Variants in ZZZ3 observed in about 807,000 individuals in gnomAD.
ZZZ3 encodes ZZ-type zinc finger-containing protein 3.
In ZZZ3, 22 loss-of-function variants were observed where a neutral mutation model predicts 95.2. The observed-to-expected ratio is 0.23, with a 90% confidence interval of 0.17 to 0.33. The LOEUF is 0.33. Ranked by LOEUF, ZZZ3 falls within the 10% of genes least tolerant of loss-of-function variation. ZZZ3 has a pLI of 1.00. For missense variants in ZZZ3, 885 were observed against 1,066.5 expected, an observed-to-expected ratio of 0.83 and a Z score of 2.37; for synonymous variants, 335 against 358.9, an observed-to-expected ratio of 0.93 and a Z score of 0.75.
intron 1 of ZZZ3, among the ~76,000 whole-genome samples, chr1:77,663,828 A>C (rs370224856): frequency 6.6e-6 from 1 of 151,226 alleles, no homozygotes; most frequent in South Asian, 2.1e-4. Context: ...GGCTCACCGC[A>C]ACCCTCCACC....
At chr1:77,640,313 T>A (rs1668660534) in intron 3 of ZZZ3, among the ~76,000 whole-genome samples, 1 of 152,046 alleles carries the variant, frequency 6.6e-6, no homozygotes, top group African/African-American at 2.4e-5. Context: ...TTTCAAAGAA[T>A]GTACAGGCCA....
At chr1:77,598,168 C>G (rs1044593239) in intron 5 of ZZZ3, among the ~76,000 whole-genome samples, 5 of 152,094 alleles carry the variant, frequency 3.3e-5, no homozygotes, top group Non-Finnish European at 7.4e-5. Context: ...ACCCAGAAGC[C>G]TTACCATATA....
At chr1:77,657,229 A>C (rs1385439007) in intron 1 of ZZZ3, among the ~76,000 whole-genome samples, 1 of 152,110 alleles carries the variant, frequency 6.6e-6, no homozygotes, top group Non-Finnish European at 1.5e-5. Flanking sequence ...TGATCCACCC[A>C]CCTCGGCCTC....
intron 1 of ZZZ3, among the ~76,000 whole-genome samples, chr1:77,654,173 GAGACTCCATCTCAAAAAAA>G (rs950573746): frequency 5.5e-5 from 7 of 127,304 alleles, no homozygotes; most frequent in African/African-American, 1.8e-4. Context: ...GGGCAACAGC[GAGACTCCATCTCAAAAAAA>G]AAAAAAAAAA....
At chr1:77,649,943 T>C (rs959673447) in intron 1 of ZZZ3, among the ~76,000 whole-genome samples, 20 of 151,750 alleles carry the variant, frequency 1.3e-4, no homozygotes, top group African/African-American at 4.6e-4. Context: ...TATACCAATA[T>C]ACTGTACAGT....
Position 77,641,614 on chromosome 1 carries a change from G to T in ZZZ3, c.-361C>A. The T allele has an allele frequency of 2.5e-6, 1 of 398,074 alleles. No homozygotes were observed. 24.7% of individuals were successfully genotyped at this position (398,074 alleles called of 1,614,324 possible). On this transcript the variant is annotated 5_prime_UTR_variant, in exon 2 of 15. It adds an upstream start codon to the 5' untranslated region. Coordinates refer to ENST00000370801, the MANE Select transcript of ZZZ3 (RefSeq NM_015534.6). Reference sequence around the variant, plus strand: ...TTGTCCATGTTACACTGAGACTTCAGGTATTATTTATTTATATGGTTGTAC... The same window carrying T: ...TTGTCCATGTTACACTGAGACTTCATGTATTATTTATTTATATGGTTGTAC...
upstream of ZZZ3, among the ~76,000 whole-genome samples, chr1:77,683,105 TC>T: frequency 7.7e-6 from 1 of 129,548 alleles, no homozygotes; most frequent in Non-Finnish European, 1.6e-5. Context: ...GTCGCAGCCG[TC>T]GCAGCCGTCG....
chr1:77,567,818 A>G (rs1208896190), intron 13 of ZZZ3, among the ~76,000 whole-genome samples: 2 of 152,148 alleles, frequency 1.3e-5, no homozygotes, highest in African/African-American at 4.8e-5. Context: ...CCCATTTCTG[A>G]CCCATGAACA....
At chr1:77,677,767 T>G (rs1327631171) in intron 1 of ZZZ3, among the ~76,000 whole-genome samples, 2 of 152,184 alleles carry the variant, frequency 1.3e-5, no homozygotes, top group Admixed American at 6.5e-5. Flanking sequence ...AATGGGAAAG[T>G]GGTACCTAAC....
At chr1:77,631,108 C>T (rs535431316) in intron 5 of ZZZ3, among the ~76,000 whole-genome samples, 1 of 152,236 alleles carries the variant, frequency 6.6e-6, no homozygotes, top group South Asian at 2.1e-4. Context: ...GCCCTGAATA[C>T]TTTATAGGAA....
chr1:77,568,615 C>A, intron 12 of ZZZ3, 149 bp from the exon 13 acceptor site: 1 of 414,968 alleles, frequency 2.4e-6, no homozygotes. Context: ...CTGTTATTAG[C>A]AGTATTTTCC....
intron 6 of ZZZ3, 67 bp downstream of exon 6, chr1:77,584,450 T>G: frequency 1.3e-6 from 2 of 1,492,414 alleles, no homozygotes; most frequent in Non-Finnish European, 1.8e-6. Context: ...AAAAAAGAAT[T>G]AACCAAATTC....
chr1:77,591,498 T>C (rs1354599566), intron 5 of ZZZ3, among the ~76,000 whole-genome samples: 2 of 152,144 alleles, frequency 1.3e-5, no homozygotes, highest in Admixed American at 6.6e-5. Context: ...CATAGCACCA[T>C]GCCTGGCTAA....
chr1:77,638,700 T>C (rs143824788), intron 4 of ZZZ3, among the ~76,000 whole-genome samples: 1 of 152,234 alleles, frequency 6.6e-6, no homozygotes, highest in African/African-American at 2.4e-5. Context: ...AGTAAACTGG[T>C]CATGATACCA....
rs531559003 is a variant in ZZZ3 at position 77,615,497 on chromosome 1, T to C, written c.1505+16353A>G. On this transcript the variant is annotated intron_variant, in intron 5 of 14. Transcript: ENST00000370801. ...AGTGTTACATGCTATATGGTGCGTA[T>C]GCAAAATGCCTATGGAGTTGTTCTG... Among the ~76,000 whole-genome samples the C allele has an allele frequency of 1.2e-4, 19 of 152,344 alleles. No homozygotes were observed. The South Asian group carries it at 3.9e-3, about 32-fold the overall frequency.
intron 12 of ZZZ3, among the ~76,000 whole-genome samples, chr1:77,574,115 GAT>G (rs933501214): frequency 1.4e-5 from 2 of 147,288 alleles, no homozygotes; most frequent in Admixed American, 6.8e-5. Context: ...TATAGATATA[GAT>G]ATATATATAG....
intron 11 of ZZZ3, among the ~76,000 whole-genome samples, chr1:77,576,869 T>TG (rs1662013974): frequency 6.6e-6 from 1 of 152,190 alleles, no homozygotes; most frequent in South Asian, 2.1e-4. Context: ...ATGTGGTACG[T>TG]GGGTCATGGG....
chr1:77,590,648 A>C (rs1437635264), intron 5 of ZZZ3, among the ~76,000 whole-genome samples: 1 of 152,250 alleles, frequency 6.6e-6, no homozygotes, highest in African/African-American at 2.4e-5. Flanking sequence ...AGATCCCCCC[A>C]GGGGGTTAAA....
intron 1 of ZZZ3, among the ~76,000 whole-genome samples, chr1:77,658,229 A>G (rs956457132): frequency 1.3e-5 from 2 of 149,368 alleles, no homozygotes; most frequent in African/African-American, 4.9e-5. Flanking sequence ...ATTCTCTTCC[A>G]TTCTTATTTC....
Sources: gnomAD v4.1 joint callset for allele counts (sites outside exome capture counted in the v4.1 genomes callset) on GRCh38, gnomAD v4.1.1 for gene constraint, MANE v1.5 for transcripts, NCBI Gene and HGNC (gene_info 2026-07-23, HGNC 2026-07-21) for gene names.